Variants in ADAMTS6 observed in about 807,000 individuals in gnomAD.
ADAMTS6 encodes the protein A disintegrin and metalloproteinase with thrombospondin motifs 6.
ADAMTS6 carries 23 observed loss-of-function variants against 144.3 expected under a neutral mutation model. That is an observed-to-expected ratio of 0.16 (90% CI 0.11 to 0.23). The LOEUF is 0.23. Among genes scored for constraint, ADAMTS6 ranks in the 10% least tolerant of loss-of-function variants. The pLI, the probability that ADAMTS6 is intolerant of heterozygous loss-of-function variation, is 1.00. For missense variants in ADAMTS6, 999 were observed against 1,379.6 expected, an observed-to-expected ratio of 0.72 and a Z score of 4.37; for synonymous variants, 444 against 457.5, an observed-to-expected ratio of 0.97 and a Z score of 0.38.
intron 7 of ADAMTS6, among the ~76,000 whole-genome samples, chr5:65,346,146 T>C (rs1331289296): frequency 1.3e-5 from 2 of 151,868 alleles, no homozygotes; most frequent in African/African-American, 2.4e-5. Context: ...TTTATGAAGC[T>C]AGCATTATCA....
At chr5:65,292,834 C>T (rs1294452805) in intron 10 of ADAMTS6, among the ~76,000 whole-genome samples, 1 of 151,946 alleles carries the variant, frequency 6.6e-6, no homozygotes, top group Admixed American at 6.6e-5. Context: ...TGTCACTGCT[C>T]AAGGTATCTA....
chr5:65,263,071 C>A, intron 12 of ADAMTS6, 109 bp from the exon 13 acceptor site: 1 of 1,357,598 alleles, frequency 7.4e-7, no homozygotes, highest in Non-Finnish European at 1.0e-6. Context: ...TAGCATTCTC[C>A]CAATTGATAA....
chr5:65,232,863 C>T (rs755126436), intron 15 of ADAMTS6, among the ~76,000 whole-genome samples: 4 of 151,924 alleles, frequency 2.6e-5, no homozygotes, highest in Non-Finnish European at 5.9e-5. Flanking sequence ...GCAGCATTAC[C>T]CTAATAACAA....
At chr5:65,245,568 G>A (rs993536223) in intron 14 of ADAMTS6, among the ~76,000 whole-genome samples, 3 of 152,096 alleles carry the variant, frequency 2.0e-5, no homozygotes, top group African/African-American at 7.2e-5. Context: ...AATAGTCAGA[G>A]TGGTCTATTA....
chr5:65,273,505 T>A, intron 11 of ADAMTS6, 58 bp from the exon 12 acceptor site: 1 of 1,349,640 alleles, frequency 7.4e-7, no homozygotes, highest in Non-Finnish European at 1.1e-6. Context: ...AATTCTTCCA[T>A]AAAATACACT....
At chr5:65,377,395 A>T (rs1438741682) in intron 7 of ADAMTS6, among the ~76,000 whole-genome samples, 1 of 152,194 alleles carries the variant, frequency 6.6e-6, no homozygotes, top group Non-Finnish European at 1.5e-5. Context: ...AGGCAATGGA[A>T]TTCTAGACTG....
At chr5:65,182,671 A>G (rs1754437600) in intron 22 of ADAMTS6, among the ~76,000 whole-genome samples, 1 of 152,318 alleles carries the variant, frequency 6.6e-6, no homozygotes, top group African/African-American at 2.4e-5. Flanking sequence ...GCTCTGAAAG[A>G]TACATGCACA....
chr5:65,220,030 T>C (rs1757205036), intron 18 of ADAMTS6, among the ~76,000 whole-genome samples: 1 of 152,140 alleles, frequency 6.6e-6, no homozygotes, highest in African/African-American at 2.4e-5. Flanking sequence ...GTCCTTTAAT[T>C]TCATGAACAT....
chr5:65,419,422 G>C (rs912384534), intron 7 of ADAMTS6, among the ~76,000 whole-genome samples: 2 of 152,070 alleles, frequency 1.3e-5, no homozygotes, highest in African/African-American at 4.8e-5. Context: ...AGGGGAGAAA[G>C]GGTTGAAAAA....
intron 15 of ADAMTS6, among the ~76,000 whole-genome samples, chr5:65,228,558 C>A (rs749305274): frequency 8.6e-5 from 13 of 151,990 alleles, no homozygotes; most frequent in Non-Finnish European, 1.5e-4. Flanking sequence ...TTATGGGACT[C>A]CAGCAGAAAA....
chr5:65,182,062 T>A (rs1315176938), intron 22 of ADAMTS6, among the ~76,000 whole-genome samples: 2 of 152,112 alleles, frequency 1.3e-5, no homozygotes, highest in South Asian at 2.1e-4. Flanking sequence ...TTAGGGGAGA[T>A]GAAGAATGCG....
intron 7 of ADAMTS6, among the ~76,000 whole-genome samples, chr5:65,368,199 A>T (rs1190126059): frequency 6.6e-6 from 1 of 152,184 alleles, no homozygotes; most frequent in East Asian, 1.9e-4. Flanking sequence ...GGTTATCAGA[A>T]ATCAATTTGT....
At chr5:65,356,122 A>C (rs957570145) in intron 7 of ADAMTS6, among the ~76,000 whole-genome samples, 2 of 151,822 alleles carry the variant, frequency 1.3e-5, no homozygotes, top group African/African-American at 2.4e-5. Flanking sequence ...CATTTAAATG[A>C]CTAAAAAAAT....
chr5:65,419,977 C>A (rs1004244833), intron 7 of ADAMTS6, among the ~76,000 whole-genome samples: 4 of 152,024 alleles, frequency 2.6e-5, no homozygotes, highest in African/African-American at 7.3e-5. Context: ...AAGGAAATAC[C>A]CAATACTGGG....
rs192279968 is a variant in ADAMTS6, at chr5:65,319,340, G to C, written c.1223+10038C>G. Among the ~76,000 whole-genome samples the C allele has an allele frequency of 4.0e-3, 606 of 151,622 alleles. 4 individuals carry two copies. Among genetic ancestry groups the C allele is most frequent in the Admixed American group, 5.8e-3 (88 of 15,210 alleles). ...AAATAAAGGACAAATTAAACCCAAA[G>C]TAAGAACTAGTAAGGAAATAATAAG... On this transcript the variant is annotated intron_variant, in intron 9 of 24. Coordinates refer to ENST00000381055, the MANE Select transcript of ADAMTS6 (RefSeq NM_197941.4).
intron 15 of ADAMTS6, among the ~76,000 whole-genome samples, chr5:65,239,722 T>C (rs1324284651): frequency 1.3e-5 from 2 of 151,944 alleles, no homozygotes; most frequent in Non-Finnish European, 2.9e-5. Flanking sequence ...GAATAGACAG[T>C]ACAAAAGGAG....
At chr5:65,344,936 G>C (rs1162950114) in intron 7 of ADAMTS6, among the ~76,000 whole-genome samples, 1 of 151,774 alleles carries the variant, frequency 6.6e-6, no homozygotes, top group Non-Finnish European at 1.5e-5. Context: ...TGAAGGAAAT[G>C]TTTCCTAACT....
At chr5:65,337,592 A>C (rs1446225678) in intron 7 of ADAMTS6, among the ~76,000 whole-genome samples, 1 of 152,092 alleles carries the variant, frequency 6.6e-6, no homozygotes, top group Non-Finnish European at 1.5e-5. Context: ...CCAAATATGA[A>C]CCAGCTTATT....
chr5:65,388,100 T>C (rs1291542448), intron 7 of ADAMTS6, among the ~76,000 whole-genome samples: 1 of 151,960 alleles, frequency 6.6e-6, no homozygotes, highest in African/African-American at 2.4e-5. Context: ...ATCCCAGCTA[T>C]TCGGGAGGAT....
Sources: allele counts gnomAD v4.1 joint callset (sites outside exome capture counted in the v4.1 genomes callset), GRCh38; gene constraint gnomAD v4.1.1; transcripts MANE v1.5; gene names NCBI Gene and HGNC (gene_info 2026-07-23, HGNC 2026-07-21).